The following CDON variants were observed in gnomAD, a reference collection of about 807,000 sequenced individuals.
CDON encodes cell adhesion molecule-related/down-regulated by oncogenes.
A neutral mutation model predicts 120.9 loss-of-function variants in CDON; 73 were observed. The ratio of observed to expected loss-of-function variants is 0.60; its 90% CI spans 0.50 to 0.73. The LOEUF is 0.73. Ranked by LOEUF, CDON falls within the 30% of genes least tolerant of loss-of-function variation. The pLI, the probability that CDON is intolerant of heterozygous loss-of-function variation, is 0.00. For synonymous variants in CDON, 566 were observed against 573.5 expected, an observed-to-expected ratio of 0.99 and a Z score of 0.19; for missense variants, 1,470 against 1,587.3, an observed-to-expected ratio of 0.93 and a Z score of 1.26.
In CDON at chr11:126,018,329, C is replaced by T. The variant is rs763917724; in HGVS notation, c.640+1G>A. The T allele has an allele frequency of 3.9e-5, 63 of 1,613,042 alleles. No homozygotes were observed. The highest frequency in any genetic ancestry group is 4.9e-5 in the Non-Finnish European group (58 of 1,179,560). Reference sequence around the variant, plus strand: ...TTACCATTATTCTCCCAAATACTTACGACTCACAAGGAGCTTTCGGCCAAT... The same window carrying T: ...TTACCATTATTCTCCCAAATACTTATGACTCACAAGGAGCTTTCGGCCAAT... On this transcript the variant is annotated splice_donor_variant, in intron 5 of 19. Transcript: ENST00000531738. LOFTEE classifies it high-confidence loss of function.
At chr11:126,012,491 T>G (rs1196627446) in intron 7 of CDON, among the ~76,000 whole-genome samples, 1 of 151,556 alleles carries the variant, frequency 6.6e-6, no homozygotes, top group African/African-American at 2.4e-5. Context: ...AACCTCCACC[T>G]CCCGGGTTCT....
At position 126,051,678 on chromosome 11, in the gene CDON, G is replaced by A. The variant is rs185470662; in HGVS notation, c.-62+10901C>T. 7.4e-3 allele frequency among the ~76,000 whole-genome samples: 1,005 copies of A among 136,418 alleles called. 8 individuals carry two copies. The highest frequency in any genetic ancestry group is 0.038 in the South Asian group (169 of 4,446). The allele number at this position is 136,418 out of a possible 152,430, so 89.5% of individuals were successfully genotyped here. ...TTTTTTTTTTTTTTTCCAGAGTCTC[G>A]CTCTTGTTGCTCAGGCTGGAGTGCA... On this transcript the variant is annotated intron_variant, in intron 1 of 19. Coordinates refer to ENST00000531738, the MANE Select transcript of CDON (RefSeq NM_001378964.1).
intron 19 of CDON, 136 bp downstream of exon 19, chr11:125,961,588 A>G (rs1024649645): frequency 2.5e-6 from 3 of 1,181,720 alleles, no homozygotes; most frequent in Middle Eastern, 1.9e-4. Flanking sequence ...TGAAGGACCC[A>G]GCACCCCACC....
At chr11:126,031,613 T>C (rs1947946719) in intron 1 of CDON, among the ~76,000 whole-genome samples, 1 of 152,244 alleles carries the variant, frequency 6.6e-6, no homozygotes, top group Non-Finnish European at 1.5e-5. Flanking sequence ...CCTGATCTTC[T>C]GTGAGATTCC....
chr11:125,980,310 A>G (rs189284213), intron 17 of CDON, among the ~76,000 whole-genome samples: 179 of 152,250 alleles, frequency 1.2e-3, no homozygotes, highest in African/African-American at 3.9e-3. Context: ...AGGGTTTATC[A>G]CTCTTTGTGT....
At chr11:126,009,144 G>T (rs1288547933) in intron 8 of CDON, among the ~76,000 whole-genome samples, 1 of 152,176 alleles carries the variant, frequency 6.6e-6, no homozygotes, top group African/African-American at 2.4e-5. Context: ...CACAGCCCAC[G>T]TGCTCAGCCT....
At chr11:126,004,329 A>T (rs1947053290) in intron 9 of CDON, 2 of 506,204 alleles carry the variant, frequency 4.0e-6, no homozygotes, top group Non-Finnish European at 7.1e-6. Context: ...GCCTCAAGCA[A>T]GTTACTGCCC....
At chr11:126,023,607 A>G in intron 1 of CDON, 70 bp from the exon 2 acceptor site, 1 of 745,134 alleles carries the variant, frequency 1.3e-6, no homozygotes, top group Non-Finnish European at 2.4e-6. Flanking sequence ...AGCTGTGAGC[A>G]TGACGGCTGC....
At chr11:126,060,528 T>C (rs939748548) in intron 1 of CDON, among the ~76,000 whole-genome samples, 1 of 151,122 alleles carries the variant, frequency 6.6e-6, no homozygotes, top group Non-Finnish European at 1.5e-5. Context: ...TTCGAAACAA[T>C]CACCAATTTT....
intron 14 of CDON, among the ~76,000 whole-genome samples, chr11:125,992,116 T>C (rs540882185): frequency 2.6e-5 from 4 of 152,278 alleles, no homozygotes; most frequent in Middle Eastern, 3.4e-3. Context: ...TTTAGAACCA[T>C]TTTATGGCAA....
Position 125,975,088 on chromosome 11 carries a change from T to A in CDON, c.3356+3216A>T, listed in dbSNP as rs553877491. Among the ~76,000 whole-genome samples, 4 of 152,314 alleles carry A rather than the reference T, an allele frequency of 2.6e-5. No homozygotes were observed. The East Asian group carries it at 7.7e-4, about 29-fold the overall frequency. On this transcript the variant is annotated intron_variant, in intron 18 of 19. Coordinates refer to ENST00000531738, the MANE Select transcript of CDON (RefSeq NM_001378964.1). ...ATATCTCTGAACAGATCATTCCTGTTCTCAATAAGCTTTGCAACAATTATG... is the reference window on the plus strand; with the variant it reads ...ATATCTCTGAACAGATCATTCCTGTACTCAATAAGCTTTGCAACAATTATG...
At position 125,978,290 on chromosome 11, in the gene CDON, C is replaced by T. The variant is rs751847332; in HGVS notation, c.3356+14G>A. ...TTATTCACAACAGCTTGTGCAGACA[C>T]ATTATTAACATACCTATTGTTGTTT... On this transcript the variant is annotated intron_variant, in intron 18 of 19. Transcript: ENST00000531738. 1 of 1,480,028 alleles carries T rather than the reference C, an allele frequency of 6.8e-7. No homozygotes were observed. Among genetic ancestry groups the T allele is most frequent in the African/African-American group, 1.4e-5 (1 of 72,522 alleles). 91.7% of individuals were successfully genotyped at this position (1,480,028 alleles called of 1,614,324 possible).
At chr11:126,010,929 A>G (rs775126013) in intron 7 of CDON, 71 of 572,312 alleles carry the variant, frequency 1.2e-4, no homozygotes, top group South Asian at 1.1e-3. Flanking sequence ...CTTCAGAAAG[A>G]AAGGAATATA....
intron 1 of CDON, among the ~76,000 whole-genome samples, chr11:126,052,503 C>T (rs1948587706): frequency 6.6e-6 from 1 of 152,050 alleles, no homozygotes; most frequent in African/African-American, 2.4e-5. Flanking sequence ...CAACTACAGA[C>T]CAAAAATATT....
chr11:125,994,210 G>T, intron 14 of CDON, 74 bp downstream of exon 14: 1 of 801,826 alleles, frequency 1.2e-6, no homozygotes, highest in Non-Finnish European at 2.2e-6. Context: ...AATTTGGGAT[G>T]ATGCATTTTA....
At chr11:126,035,234 A>T (rs1948063416) in intron 1 of CDON, among the ~76,000 whole-genome samples, 1 of 152,232 alleles carries the variant, frequency 6.6e-6, no homozygotes, top group African/African-American at 2.4e-5. Context: ...ACAGTCAAGC[A>T]TTGAAAAGGC....
rs751468078 is a variant in CDON, at chr11:126,004,098, A to G, written c.1852-22T>C. ...CCAGCTGCCCAAGAGAAAACACACC[A>G]GAAAAGAAAAGCAGGAGATGGAGGA... is the stretch of plus-strand genomic sequence containing the variant. On this transcript the variant is annotated intron_variant, in intron 9 of 19. Transcript: ENST00000531738. 3.1e-6 allele frequency: 5 copies of G among 1,612,206 alleles called. No homozygotes were observed. In the Admixed American group the frequency reaches 5.0e-5, roughly 16 times the overall value.
At chr11:126,011,564 T>C (rs1192722683) in intron 7 of CDON, among the ~76,000 whole-genome samples, 1 of 152,228 alleles carries the variant, frequency 6.6e-6, no homozygotes, top group Non-Finnish European at 1.5e-5. Context: ...AGTTTTTCTA[T>C]TGGGTCATGA....
At chr11:126,046,466 G>A (rs1948408946) in intron 1 of CDON, among the ~76,000 whole-genome samples, 1 of 151,832 alleles carries the variant, frequency 6.6e-6, no homozygotes, top group Admixed American at 6.6e-5. Flanking sequence ...CAATCTGTGG[G>A]GTCAAAGAAA....
Sources: gnomAD v4.1 joint callset for allele counts (sites outside exome capture counted in the v4.1 genomes callset) on GRCh38, gnomAD v4.1.1 for gene constraint, MANE v1.5 for transcripts, NCBI Gene and HGNC (gene_info 2026-07-23, HGNC 2026-07-21) for gene names.